Variants in AARS1 observed in about 807,000 individuals in gnomAD.
AARS1 encodes the protein alanine--tRNA ligase, cytoplasmic.
AARS1 carries 72 observed loss-of-function variants against 108.9 expected under a neutral mutation model. The ratio of observed to expected loss-of-function variants is 0.66; its 90% CI spans 0.55 to 0.80. AARS1 has a LOEUF of 0.80. Ranked by LOEUF, AARS1 falls within the 30% of genes least tolerant of loss-of-function variation. The pLI is 0.00. For missense variants in AARS1, 1,193 were observed against 1,233.2 expected (o/e 0.97, Z 0.49); for synonymous variants, 489 against 465.7 (o/e 1.05, Z -0.64).
At chr16:70,282,333 A>AG (rs1960718610) in intron 2 of AARS1, among the ~76,000 whole-genome samples, 1 of 150,516 alleles carries the variant, frequency 6.6e-6, no homozygotes, top group Non-Finnish European at 1.5e-5. Context: ...CGTCTCAGGA[A>AG]AAAAAAAAAA....
chr16:70,260,114 A>G (rs1960098594), intron 13 of AARS1, among the ~76,000 whole-genome samples: 2 of 152,186 alleles, frequency 1.3e-5, no homozygotes, highest in Admixed American at 1.3e-4. Context: ...GTTCATTTAC[A>G]TATGGTCAAT....
chr16:70,273,508 A>T (rs1396693855), intron 4 of AARS1, among the ~76,000 whole-genome samples: 1 of 152,160 alleles, frequency 6.6e-6, no homozygotes, highest in East Asian at 1.9e-4. Context: ...GCTTGAGCTC[A>T]GGAGTTCAAG....
chr16:70,261,575 G>C (rs1429321525), intron 12 of AARS1, among the ~76,000 whole-genome samples: 2 of 138,944 alleles, frequency 1.4e-5, no homozygotes, highest in African/African-American at 5.7e-5. Context: ...TCCAGCCTTG[G>C]CTACAGAGCG....
chr16:70,271,536 C>CA (rs199620449), intron 5 of AARS1, among the ~76,000 whole-genome samples: 1,715 of 126,592 alleles, frequency 0.014, 32 homozygotes, highest in African/African-American at 0.04. Context: ...CTCAAAAAAA[C>CA]AAAAAAAAAA....
At chr16:70,283,538 CA>C (rs954802919) in intron 1 of AARS1, among the ~76,000 whole-genome samples, 4 of 151,772 alleles carry the variant, frequency 2.6e-5, no homozygotes, top group Admixed American at 2.6e-4. Flanking sequence ...GTCACTTCAC[CA>C]AAAAAAGGAG....
chr16:70,258,874 T>G (rs1597435671), intron 14 of AARS1, 106 bp downstream of exon 14: 1 of 1,342,132 alleles, frequency 7.5e-7, no homozygotes, highest in East Asian at 2.3e-5. Flanking sequence ...CAAATCTACG[T>G]GCAGGACGAA....
intron 2 of AARS1, among the ~76,000 whole-genome samples, chr16:70,281,995 C>CA (rs561563104): frequency 1.9e-4 from 29 of 151,974 alleles, no homozygotes; most frequent in Admixed American, 7.2e-4. Flanking sequence ...ACTAAAAATA[C>CA]AAAAAAATTA....
At chr16:70,273,585 G>A (rs1320909860) in intron 4 of AARS1, among the ~76,000 whole-genome samples, 1 of 152,024 alleles carries the variant, frequency 6.6e-6, no homozygotes, top group Non-Finnish European at 1.5e-5. Context: ...AGACAGGGCC[G>A]GGCGCAGTGG....
At chr16:70,273,490 G>A (rs1300657874) in intron 4 of AARS1, among the ~76,000 whole-genome samples, 2 of 152,116 alleles carry the variant, frequency 1.3e-5, no homozygotes. Context: ...GGTCAAGGCA[G>A]GTAGATCGCT....
chr16:70,262,984 A>AAAAAAAAAAAC, intron 11 of AARS1, among the ~76,000 whole-genome samples: 1 of 146,238 alleles, frequency 6.8e-6, no homozygotes, highest in African/African-American at 2.6e-5. Context: ...AAAAAAAAAA[A>AAAAAAAAAAAC]AAAAAAAAAA....
At chr16:70,282,331 G>GAAAA (rs57976512) in intron 2 of AARS1, among the ~76,000 whole-genome samples, 4 of 110,276 alleles carry the variant, frequency 3.6e-5, no homozygotes, top group Non-Finnish European at 5.1e-5. Context: ...TCCGTCTCAG[G>GAAAA]AAAAAAAAAA....
At chr16:70,287,316 T>C (rs1005214652) in intron 1 of AARS1, among the ~76,000 whole-genome samples, 28 of 149,080 alleles carry the variant, frequency 1.9e-4, no homozygotes, top group African/African-American at 6.7e-4. Context: ...TAATCCCAGC[T>C]ACTTGGGAGG....
At chr16:70,279,118 G>A (rs967168803) in intron 2 of AARS1, among the ~76,000 whole-genome samples, 3 of 152,050 alleles carry the variant, frequency 2.0e-5, no homozygotes, top group African/African-American at 7.2e-5. Flanking sequence ...TTGTGGGGCC[G>A]AACCAGGCAG....
At chr16:70,256,001 T>A (rs1959983739) in intron 15 of AARS1, among the ~76,000 whole-genome samples, 165 bp from the exon 16 acceptor site, 1 of 152,160 alleles carries the variant, frequency 6.6e-6, no homozygotes, top group South Asian at 2.1e-4. Flanking sequence ...TGAGCCTGAG[T>A]GTTCTCAGTT....
At position 70,289,470 on chromosome 16, in the gene AARS1, G is replaced by A. The variant is rs1463390040; in HGVS notation, c.-71C>T. 2 of 427,514 alleles carry A rather than the reference G, an allele frequency of 4.7e-6. No individual in the cohort carries two copies. Among genetic ancestry groups the A allele is most frequent in the Non-Finnish European group, 9.4e-6 (2 of 211,712 alleles). 26.5% of individuals were successfully genotyped at this position (427,514 alleles called of 1,614,324 possible). A position where few individuals can be genotyped will look rare whatever the true frequency, so the allele number is the denominator to read the frequency against. On this transcript the variant is annotated 5_prime_UTR_variant, in exon 1 of 21. Coordinates refer to ENST00000261772, the MANE Select transcript of AARS1 (RefSeq NM_001605.3). ...CTCCTCCCTCAGAGTCCCCCGCCAA[G>A]GGCCCGCTGCACCTATTCCCGCAGA...
At chr16:70,270,365 G>A (rs770739111) in intron 5 of AARS1, 25 bp from the exon 6 acceptor site, 1 of 1,614,080 alleles carries the variant, frequency 6.2e-7, no homozygotes, top group East Asian at 2.2e-5. Context: ...AGAAGAGGAG[G>A]TTGAAGCAGA....
intron 7 of AARS1, among the ~76,000 whole-genome samples, chr16:70,268,986 C>T (rs1156665887): frequency 6.6e-6 from 1 of 152,032 alleles, no homozygotes; most frequent in Non-Finnish European, 1.5e-5. Flanking sequence ...GCAGGTGGAT[C>T]ATCTGAGGTC....
At position 70,268,374 on chromosome 16, in the gene AARS1, A is replaced by G. The variant is rs746904689; in HGVS notation, c.968T>C (p.Val323Ala). The G allele has an allele frequency of 6.2e-7, 1 of 1,613,912 alleles. No individual in the cohort carries two copies. Among genetic ancestry groups the G allele is most frequent in the African/African-American group, 1.3e-5 (1 of 74,930 alleles). ...GRPDNTGRGY[V>A]LRRILRRAVR... ...AGCTCGGCGGAGAATCCGTCTCAAC[A>G]CATATCTGTAAGAGGCAAAAACTAG... Residue 323 changes from valine to alanine, a missense_variant, in exon 8 of 21, where the codon GTG (valine) becomes GCG (alanine). Coordinates refer to ENST00000261772, the MANE Select transcript of AARS1 (RefSeq NM_001605.3).
At chr16:70,257,391 C>T (rs949575307) in intron 15 of AARS1, among the ~76,000 whole-genome samples, 1 of 152,048 alleles carries the variant, frequency 6.6e-6, no homozygotes, top group Non-Finnish European at 1.5e-5. Flanking sequence ...CTCCACCCTG[C>T]GGGACAGAGC....
Sources: gnomAD v4.1 joint callset for allele counts (sites outside exome capture counted in the v4.1 genomes callset) on GRCh38, gnomAD v4.1.1 for gene constraint, MANE v1.5 for transcripts, NCBI Gene and HGNC (gene_info 2026-07-23, HGNC 2026-07-21) for gene names.